SORL1: variants seen among roughly 807,000 people sequenced by gnomAD.
The protein encoded by SORL1 is sortilin related receptor 1, also known as sortilin-related receptor.
Under a neutral mutation model 273.7 loss-of-function variants are expected in SORL1, and 127 were observed. The ratio of observed to expected loss-of-function variants is 0.46; its 90% CI spans 0.40 to 0.54. The LOEUF (loss-of-function observed/expected upper bound fraction) is 0.54. SORL1 is among the 20% of genes least tolerant of loss of function. The pLI, the probability that SORL1 is intolerant of heterozygous loss-of-function variation, is 0.00. For missense variants in SORL1, 2,494 were observed against 2,846.1 expected, an observed-to-expected ratio of 0.88 and a Z score of 2.81; for synonymous variants, 1,031 against 1,067.4, an observed-to-expected ratio of 0.97 and a Z score of 0.66.
At position 121,624,952 on chromosome 11, in the gene SORL1, CA is replaced by C. The variant is rs1022674602; in HGVS notation, c.6172-131del. 46 of 594,408 alleles carry C rather than the reference CA, an allele frequency of 7.7e-5. 1 individual carries two copies. In the Middle Eastern group the frequency reaches 1.9e-3, roughly 25 times the overall value. 36.8% of individuals were successfully genotyped at this position (594,408 alleles called of 1,614,324 possible). ...TATCTCAGTGGTAATGTAAAAAGAA[CA>C]AGGAGAAACCCAGGGCGCTTTCGCG... On this transcript the variant is annotated intron_variant, in intron 45 of 47. Coordinates refer to ENST00000260197, the MANE Select transcript of SORL1 (RefSeq NM_003105.6).
At chr11:121,458,060 C>T (rs1860935289) in intron 1 of SORL1, among the ~76,000 whole-genome samples, 1 of 152,180 alleles carries the variant, frequency 6.6e-6, no homozygotes, top group Non-Finnish European at 1.5e-5. Context: ...CAGCTTTGTT[C>T]CACCCACTGT....
At chr11:121,509,726 C>T (rs924708127) in intron 6 of SORL1, among the ~76,000 whole-genome samples, 2 of 152,138 alleles carry the variant, frequency 1.3e-5, no homozygotes, top group African/African-American at 2.4e-5. Context: ...CTGCCCACCT[C>T]GGCCTCCCAA....
chr11:121,498,349 A>G (rs1311461312), intron 6 of SORL1, among the ~76,000 whole-genome samples: 2 of 152,196 alleles, frequency 1.3e-5, no homozygotes, highest in Non-Finnish European at 2.9e-5. Context: ...GACAGTCTTG[A>G]GTTTTCAGTA....
chr11:121,535,948 G>A (rs1292403790), intron 12 of SORL1, among the ~76,000 whole-genome samples: 1 of 152,162 alleles, frequency 6.6e-6, no homozygotes, highest in Non-Finnish European at 1.5e-5. Context: ...ACCTGCTCAC[G>A]GGAGGCATAG....
At chr11:121,536,946 G>A (rs1019836360) in intron 12 of SORL1, among the ~76,000 whole-genome samples, 4 of 152,092 alleles carry the variant, frequency 2.6e-5, no homozygotes, top group East Asian at 3.9e-4. Flanking sequence ...CGCTGGGTGC[G>A]GTGGGAGCCA....
At chr11:121,514,078 T>A in intron 7 of SORL1, 74 bp from the exon 8 acceptor site, 1 of 1,472,150 alleles carries the variant, frequency 6.8e-7, no homozygotes, top group Non-Finnish European at 9.3e-7. Flanking sequence ...AAGTCATTGC[T>A]TCCGTGTGTA....
intron 6 of SORL1, 39 bp downstream of exon 6, chr11:121,497,088 T>C: frequency 6.4e-7 from 1 of 1,569,622 alleles, no homozygotes; most frequent in Non-Finnish European, 8.7e-7. Context: ...ACTTTTGAGT[T>C]TCCTTTGTGA....
In SORL1 at chr11:121,620,848, A is replaced by G. The variant is rs533143907; in HGVS notation, c.5890-216A>G. On this transcript the variant is annotated intron_variant, in intron 43 of 47. Transcript: ENST00000260197. Reference sequence around the variant, plus strand: ...TAGAGGGTTAAAAAAATTTTAGTTGATAACTCTATGTGCAATTCTATGAGT... The same window carrying G: ...TAGAGGGTTAAAAAAATTTTAGTTGGTAACTCTATGTGCAATTCTATGAGT... 6.6e-5 allele frequency among the ~76,000 whole-genome samples: 10 copies of G among 152,318 alleles called. No homozygotes were observed. In the South Asian group the frequency reaches 2.1e-3, roughly 32 times the overall value.
chr11:121,588,162 G>T lies in SORL1; in HGVS notation c.3946+11G>T, dbSNP rs758607676. 14 of 1,612,228 alleles carry T rather than the reference G, an allele frequency of 8.7e-6. No homozygotes were observed. Among genetic ancestry groups the T allele is most frequent in the Non-Finnish European group, 1.2e-5 (14 of 1,179,004 alleles). On this transcript the variant is annotated intron_variant, in intron 28 of 47. Coordinates refer to ENST00000260197, the MANE Select transcript of SORL1 (RefSeq NM_003105.6). The stretch of plus-strand genomic sequence containing the variant: ...CGTTTGCAGGATGCTGTGAGTTGGG[G>T]CAGGCAGGGGAGGTGACTCACGGTC...
intron 12 of SORL1, 82 bp downstream of exon 12, chr11:121,532,634 T>A: frequency 8.4e-7 from 1 of 1,191,828 alleles, no homozygotes; most frequent in Non-Finnish European, 1.2e-6. Flanking sequence ...ATTATCTCTC[T>A]ATAGCACTAT....
rs781728057 is a variant in SORL1 at position 121,543,668 on chromosome 11, G to A, written c.1806G>A (p.Ser602=). 1.6e-5 allele frequency: 26 copies of A among 1,614,112 alleles called. No individual in the cohort carries two copies. The highest frequency in any genetic ancestry group is 2.1e-5 in the Non-Finnish European group (25 of 1,179,988). The change falls in exon 13 of 48, where the codon TCG becomes TCA. Residue 602 remains serine, a synonymous_variant. Transcript: ENST00000260197. ...EKSTVFTIFG[S]NKENVHSWLI... is the part of the protein sequence containing the mutation. ...GCACTGTCTTCACCATCTTTGGCTC[G>A]AACAAAGAGAATGTCCACAGCTGGC...
chr11:121,571,200 G>C (rs1178655914), intron 23 of SORL1, among the ~76,000 whole-genome samples: 3 of 152,250 alleles, frequency 2.0e-5, no homozygotes, highest in Non-Finnish European at 4.4e-5. Context: ...AACTTGGGCA[G>C]GCCCTAGCAA....
chr11:121,556,001 A>T (rs996142797), intron 18 of SORL1, among the ~76,000 whole-genome samples: 1 of 152,178 alleles, frequency 6.6e-6, no homozygotes, highest in Non-Finnish European at 1.5e-5. Context: ...GGCTAAGAGG[A>T]GTTGCAAGAC....
At chr11:121,540,140 A>G (rs999161742) in intron 12 of SORL1, among the ~76,000 whole-genome samples, 2 of 152,194 alleles carry the variant, frequency 1.3e-5, no homozygotes, top group Non-Finnish European at 2.9e-5. Flanking sequence ...TATGTTCTTT[A>G]GAAACCTGAA....
intron 1 of SORL1, among the ~76,000 whole-genome samples, chr11:121,455,726 C>T (rs780843295): frequency 6.6e-6 from 1 of 152,232 alleles, no homozygotes; most frequent in Non-Finnish European, 1.5e-5. Flanking sequence ...ATGTTCAAGG[C>T]TCACGCCTGT....
chr11:121,452,697 C>G lies in SORL1; in HGVS notation c.285+81C>G. ...CACCCCCGCATCCATCCGTTGCAGTCGCCTCCTAGGTGCAGGCACCACTGG... is the reference window on the plus strand; with the variant it reads ...CACCCCCGCATCCATCCGTTGCAGTGGCCTCCTAGGTGCAGGCACCACTGG... On this transcript the variant is annotated intron_variant, in intron 1 of 47. Transcript: ENST00000260197. The surrounding 1 kb of genome is among the most constrained non-coding windows in gnomAD (Gnocchi z 5.3). 27 of 1,285,832 alleles carry G rather than the reference C, an allele frequency of 2.1e-5. No individual in the cohort carries two copies. The highest frequency in any genetic ancestry group is 2.6e-5 in the Non-Finnish European group (26 of 993,632). 79.7% of individuals were successfully genotyped at this position (1,285,832 alleles called of 1,614,324 possible).
intron 23 of SORL1, 121 bp from the exon 24 acceptor site, chr11:121,574,120 T>C (rs1862888526): frequency 8.2e-6 from 8 of 977,446 alleles, no homozygotes; most frequent in Non-Finnish European, 1.2e-5. Flanking sequence ...AGGTTTAATT[T>C]CTGTTGCTAC....
intron 19 of SORL1, 70 bp from the exon 20 acceptor site, chr11:121,558,521 C>T: frequency 1.3e-6 from 2 of 1,558,540 alleles, no homozygotes; most frequent in Non-Finnish European, 1.8e-6. Flanking sequence ...CTGACCTTTT[C>T]TGGAGTAGTA....
intron 2 of SORL1, among the ~76,000 whole-genome samples, chr11:121,477,171 C>T (rs1238452982): frequency 6.6e-6 from 1 of 152,138 alleles, no homozygotes; most frequent in Non-Finnish European, 1.5e-5. Flanking sequence ...AATATATTCA[C>T]CTATCAGGCT....
Sources: allele counts gnomAD v4.1 joint callset (sites outside exome capture counted in the v4.1 genomes callset), GRCh38; gene constraint gnomAD v4.1.1; non-coding constraint Gnocchi (gnomAD v3.1); transcripts MANE v1.5; gene names NCBI Gene and HGNC (gene_info 2026-07-23, HGNC 2026-07-21).